Variants in TTC34 observed in about 807,000 individuals in gnomAD.
TTC34 encodes tetratricopeptide repeat domain 34.
TTC34 carries 44 observed loss-of-function variants against 40.7 expected under a neutral mutation model. The ratio of observed to expected loss-of-function variants is 1.08; its 90% CI spans 0.85 to 1.39. The LOEUF is 1.39. TTC34 is among the 40% of genes most tolerant of loss of function. TTC34 has a pLI of 0.00. For synonymous variants in TTC34, 422 were observed against 398.6 expected (o/e 1.06, Z -0.70); for missense variants, 884 against 838.0 (o/e 1.05, Z -0.68).
At chr1:2,677,715 G>A in intron 6 of TTC34, among the ~76,000 whole-genome samples, 3 of 150,910 alleles carry the variant, frequency 2.0e-5, no homozygotes, top group African/African-American at 7.3e-5. Context: ...CTGACAGCCT[G>A]GAACAGCACC....
intron 6 of TTC34, among the ~76,000 whole-genome samples, chr1:2,772,925 A>G (rs1196566973): frequency 5.8e-5 from 5 of 85,888 alleles, no homozygotes; most frequent in East Asian, 4.9e-4. Context: ...ACAGCCTGGA[A>G]CAGCACCCAT....
intron 6 of TTC34, among the ~76,000 whole-genome samples, chr1:2,700,156 G>C (rs1231848080): frequency 9.9e-6 from 1 of 100,746 alleles, no homozygotes; most frequent in East Asian, 3.2e-4. Context: ...CGGACATCCT[G>C]GAGCATCACA....
chr1:2,800,116 C>T (rs1004859222), exon 2 of TTC34: 7 of 398,402 alleles, frequency 1.8e-5, no homozygotes, highest in African/African-American at 8.2e-5. Context: ...TCAAACCTGC[C>T]GCTGTGGAGC....
At chr1:2,762,138 C>T (rs1449885603) in intron 6 of TTC34, among the ~76,000 whole-genome samples, 9 of 41,224 alleles carry the variant, frequency 2.2e-4, no homozygotes, top group South Asian at 1.9e-3. Context: ...CAACCCCAGG[C>T]GAGCATCTGA....
intron 7 of TTC34, among the ~76,000 whole-genome samples, chr1:2,644,814 G>A (rs1638986529): frequency 6.6e-6 from 1 of 152,188 alleles, no homozygotes; most frequent in Non-Finnish European, 1.5e-5. Context: ...GCCCTTGGTG[G>A]GCAAATGCAG....
rs1004439519 is a variant in TTC34 at position 2,783,877 on chromosome 1, G to C, written c.2060-102C>G. 5 of 1,177,366 alleles carry C rather than the reference G, an allele frequency of 4.2e-6. No homozygotes were observed. The African/African-American group carries it at 7.9e-5, about 19-fold the overall frequency. 72.9% of individuals were successfully genotyped at this position (1,177,366 alleles called of 1,614,324 possible). On this transcript the variant is annotated intron_variant, in intron 5 of 8. Transcript: ENST00000401095. ...GAGGGCAGAGGGTGCATGAGCTTCA[G>C]GGCCTACCTTGGGGAGCTCACAGGC...
At chr1:2,772,940 C>T (rs868615534) in intron 6 of TTC34, among the ~76,000 whole-genome samples, 1 of 137,346 alleles carries the variant, frequency 7.3e-6, no homozygotes, top group African/African-American at 2.6e-5. Context: ...ACCCATACCC[C>T]CAGGCGAGCA....
At chr1:2,778,300 A>C (rs1319357354) in intron 6 of TTC34, among the ~76,000 whole-genome samples, 1 of 152,210 alleles carries the variant, frequency 6.6e-6, no homozygotes, top group Non-Finnish European at 1.5e-5. Flanking sequence ...GCAGACAGCC[A>C]ATTTCAACAC....
chr1:2,758,482 G>A (rs1641578433), intron 6 of TTC34, among the ~76,000 whole-genome samples: 1 of 85,286 alleles, frequency 1.2e-5, no homozygotes, highest in Admixed American at 1.0e-4. Flanking sequence ...CACACACCCA[G>A]GCGAGCATCT....
At chr1:2,751,002 C>T (rs1641301164) in intron 6 of TTC34, among the ~76,000 whole-genome samples, 1 of 119,234 alleles carries the variant, frequency 8.4e-6, no homozygotes, top group Admixed American at 8.6e-5. Flanking sequence ...GAGCAGCACC[C>T]ACACCGACAG....
intron 6 of TTC34, among the ~76,000 whole-genome samples, chr1:2,750,452 C>G (rs1167615031): frequency 7.4e-5 from 1 of 13,440 alleles, no homozygotes; most frequent in Non-Finnish European, 1.4e-4. Context: ...CACACCCAGG[C>G]GAGTATCTGA....
intron 6 of TTC34, among the ~76,000 whole-genome samples, chr1:2,691,845 T>C (rs1479414932): frequency 4.7e-5 from 2 of 42,200 alleles, no homozygotes; most frequent in African/African-American, 7.6e-5. Flanking sequence ...CATGTGATGG[T>C]CTGGAGCAGC....
chr1:2,652,930 C>T (rs878927664), intron 6 of TTC34, among the ~76,000 whole-genome samples: 3 of 152,248 alleles, frequency 2.0e-5, no homozygotes, highest in Non-Finnish European at 1.5e-5. Flanking sequence ...CCCACACCCC[C>T]AGGCGAGCAT....
At chr1:2,683,136 G>A (rs1381837770) in intron 6 of TTC34, among the ~76,000 whole-genome samples, 1 of 136,308 alleles carries the variant, frequency 7.3e-6, no homozygotes. Context: ...TGACAGCCTG[G>A]AACAGCACGC....
chr1:2,684,997 C>A lies in TTC34; in HGVS notation c.2227-39434G>T, dbSNP rs1205835743. Among the ~76,000 whole-genome samples the A allele has an allele frequency of 4.3e-5, 6 of 140,020 alleles. 1 individual carries two copies. The highest frequency in any genetic ancestry group is 1.4e-4 in the Admixed American group (2 of 14,092). The allele number at this position is 140,020 out of a possible 152,430, so 91.9% of individuals were successfully genotyped here. On this transcript the variant is annotated intron_variant, in intron 6 of 8. Coordinates refer to ENST00000401095, the Ensembl canonical transcript of TTC34. ...CTGACAGCTTAGAACAGCACCCATA[C>A]CCCCAGGCGAGCATCTGACAGCATG...
chr1:2,769,459 A>C, intron 6 of TTC34, among the ~76,000 whole-genome samples: 1 of 40,218 alleles, frequency 2.5e-5, no homozygotes, highest in Non-Finnish European at 4.2e-5. Flanking sequence ...CTGGAGCAGC[A>C]CCCCACACCT....
At chr1:2,753,189 C>G (rs1413921546) in intron 6 of TTC34, among the ~76,000 whole-genome samples, 94 of 118,074 alleles carry the variant, frequency 8.0e-4, no homozygotes, top group African/African-American at 3.4e-3. Flanking sequence ...AGGTGAGCAT[C>G]TGACATCGTG....
chr1:2,756,637 G>A (rs1641514950), intron 6 of TTC34, among the ~76,000 whole-genome samples: 253 of 147,254 alleles, frequency 1.7e-3, no homozygotes, highest in Middle Eastern at 3.4e-3. Context: ...CCCCAGGTGA[G>A]CATCTGACAG....
chr1:2,787,429 C>T, intron 4 of TTC34, 52 bp downstream of exon 4: 2 of 1,430,746 alleles, frequency 1.4e-6, no homozygotes, highest in Non-Finnish European at 1.8e-6. Context: ...GTGCCCTCTT[C>T]CCAGCTGGGC....
Sources: allele counts gnomAD v4.1 joint callset (sites outside exome capture counted in the v4.1 genomes callset), GRCh38; gene constraint gnomAD v4.1.1; transcripts MANE v1.5; gene names NCBI Gene and HGNC (gene_info 2026-07-23, HGNC 2026-07-21).